The following GRM5 variants were observed in gnomAD, a reference collection of about 807,000 sequenced individuals.
GRM5 encodes metabotropic glutamate receptor 5.
GRM5 carries 19 observed loss-of-function variants against 83.1 expected under a neutral mutation model. That is an observed-to-expected ratio of 0.23 (90% CI 0.16 to 0.34). The LOEUF (loss-of-function observed/expected upper bound fraction) is 0.34. Ranked by LOEUF, GRM5 falls within the 10% of genes least tolerant of loss-of-function variation. The pLI is 1.00. For missense variants in GRM5, 1,160 were observed against 1,588.3 expected (o/e 0.73, Z 4.58); for synonymous variants, 675 against 633.6 (o/e 1.07, Z -0.98).
At chr11:89,015,517 AC>A (rs1591049776) in intron 2 of GRM5, among the ~76,000 whole-genome samples, 3 of 151,116 alleles carry the variant, frequency 2.0e-5, no homozygotes, top group South Asian at 2.1e-4. Context: ...CATAAAAAAA[AC>A]TTTTTTTCTG....
chr11:88,791,824 C>G (rs544049800), intron 3 of GRM5, among the ~76,000 whole-genome samples: 43 of 152,172 alleles, frequency 2.8e-4, no homozygotes, highest in African/African-American at 9.6e-4. Flanking sequence ...GGTTTATATT[C>G]TTTCATTTAA....
intron 2 of GRM5, among the ~76,000 whole-genome samples, chr11:88,982,338 A>T (rs1939552100): frequency 6.6e-6 from 1 of 152,204 alleles, no homozygotes; most frequent in African/African-American, 2.4e-5. Context: ...AATACAAATA[A>T]GTGATATATA....
chr11:89,055,840 C>T (rs1376145780), intron 1 of GRM5, among the ~76,000 whole-genome samples: 1 of 151,958 alleles, frequency 6.6e-6, no homozygotes, highest in African/African-American at 2.4e-5. Flanking sequence ...GTTCACTTTG[C>T]TAAGTATCTC....
chr11:88,613,252 C>T (rs1938377702), intron 4 of GRM5, among the ~76,000 whole-genome samples: 1 of 152,072 alleles, frequency 6.6e-6, no homozygotes, highest in Admixed American at 6.6e-5. Context: ...AGAATATCTT[C>T]ATTAGTTTTA....
At chr11:88,967,354 A>T (rs2134997208) in intron 2 of GRM5, among the ~76,000 whole-genome samples, 1 of 151,524 alleles carries the variant, frequency 6.6e-6, no homozygotes, top group African/African-American at 2.4e-5. Context: ...GGATAGAGGG[A>T]TATCTCAGTC....
chr11:88,568,205 C>T (rs1046897968), intron 7 of GRM5, among the ~76,000 whole-genome samples: 3 of 152,124 alleles, frequency 2.0e-5, no homozygotes, highest in African/African-American at 7.2e-5. Context: ...GTGATAGGAA[C>T]TATTCTAGGT....
At chr11:88,805,887 C>G (rs1178528371) in intron 3 of GRM5, among the ~76,000 whole-genome samples, 1 of 151,952 alleles carries the variant, frequency 6.6e-6, no homozygotes, top group Admixed American at 6.6e-5. Flanking sequence ...TATTTTTTTC[C>G]TTGACACTGA....
chr11:88,657,802 C>T (rs375042006), intron 3 of GRM5, among the ~76,000 whole-genome samples: 3 of 151,980 alleles, frequency 2.0e-5, no homozygotes, highest in Non-Finnish European at 4.4e-5. Context: ...AAATATCTAC[C>T]CATCTTAGAC....
chr11:89,060,303 C>T (rs1203512227), intron 1 of GRM5, among the ~76,000 whole-genome samples: 1 of 151,300 alleles, frequency 6.6e-6, no homozygotes, highest in Non-Finnish European at 1.5e-5. Context: ...CACACACACA[C>T]ACATATATAT....
chr11:88,711,481 T>C (rs899777038), intron 3 of GRM5, among the ~76,000 whole-genome samples: 1 of 152,092 alleles, frequency 6.6e-6, no homozygotes, highest in African/African-American at 2.4e-5. Flanking sequence ...AAGAGAAGCT[T>C]CTAGCCTCAA....
At position 88,669,943 on chromosome 11, in the gene GRM5, TA is replaced by T. The variant is rs201920616; in HGVS notation, c.912-16541del. On this transcript the variant is annotated intron_variant, in intron 3 of 9. Coordinates refer to ENST00000305447, the MANE Select transcript of GRM5 (RefSeq NM_001143831.3). ...GGAGACGATATTTACAAGTAGGTTC[TA>T]AAATTTATAGGGAAATGTAAAAGTT... Among the ~76,000 whole-genome samples, 991 of 152,164 alleles carry T rather than the reference TA, an allele frequency of 6.5e-3. 7 individuals carry two copies. The highest frequency in any genetic ancestry group is 0.023 in the African/African-American group (960 of 41,568).
intron 3 of GRM5, among the ~76,000 whole-genome samples, chr11:88,751,072 CAAAAAAAAAAAA>C (rs774458890): frequency 2.1e-5 from 1 of 47,366 alleles, no homozygotes; most frequent in Non-Finnish European, 3.6e-5. Context: ...TAGCAGAAGC[CAAAAAAAAAAAA>C]AAAAAAAAAA....
At chr11:88,999,074 T>C (rs893097974) in intron 2 of GRM5, among the ~76,000 whole-genome samples, 2 of 152,092 alleles carry the variant, frequency 1.3e-5, no homozygotes, top group Non-Finnish European at 2.9e-5. Flanking sequence ...TTACACCTTA[T>C]ACAAAAATCA....
At chr11:88,653,051 C>T in intron 4 of GRM5, 117 bp downstream of exon 4, 1 of 661,012 alleles carries the variant, frequency 1.5e-6, no homozygotes, top group South Asian at 1.9e-5. Flanking sequence ...AATATCCACT[C>T]TACTTATGTA....
intron 3 of GRM5, among the ~76,000 whole-genome samples, chr11:88,674,024 G>A (rs374028045): frequency 3.3e-5 from 5 of 151,856 alleles, no homozygotes; most frequent in Admixed American, 2.6e-4. Flanking sequence ...ATTCAAACAA[G>A]TACGAGGGAA....
At chr11:88,575,848 G>A (rs915674256) in intron 7 of GRM5, among the ~76,000 whole-genome samples, 5 of 150,338 alleles carry the variant, frequency 3.3e-5, no homozygotes, top group Non-Finnish European at 5.9e-5. Flanking sequence ...TACACATCTC[G>A]TTTTAGATTC....
intron 4 of GRM5, among the ~76,000 whole-genome samples, chr11:88,610,685 C>T (rs908868699): frequency 6.6e-6 from 1 of 152,204 alleles, no homozygotes; most frequent in African/African-American, 2.4e-5. Flanking sequence ...TTGACTTCCT[C>T]TCTTCCTATT....
At chr11:88,775,877 G>A (rs1942835659) in intron 3 of GRM5, among the ~76,000 whole-genome samples, 1 of 149,034 alleles carries the variant, frequency 6.7e-6, no homozygotes, top group East Asian at 1.9e-4. Flanking sequence ...GTCAATCTTA[G>A]AATAAGTGCA....
At chr11:88,811,980 T>C (rs1288369611) in intron 3 of GRM5, among the ~76,000 whole-genome samples, 1 of 152,116 alleles carries the variant, frequency 6.6e-6, no homozygotes, top group African/African-American at 2.4e-5. Context: ...TATGTAAGAC[T>C]CATATTAAAC....
Sources: allele counts gnomAD v4.1 joint callset (sites outside exome capture counted in the v4.1 genomes callset), GRCh38; gene constraint gnomAD v4.1.1; transcripts MANE v1.5; gene names NCBI Gene and HGNC (gene_info 2026-07-23, HGNC 2026-07-21).